The following DRC1 variants were observed in gnomAD, a reference collection of about 807,000 sequenced individuals.
DRC1 encodes dynein regulatory complex protein 1.
Under a neutral mutation model 98.7 loss-of-function variants are expected in DRC1, and 74 were observed. The observed-to-expected ratio is 0.75, with a 90% CI of 0.62 to 0.91. The LOEUF (loss-of-function observed/expected upper bound fraction) is 0.91, where lower values mean the gene tolerates loss of function less well. Ranked by LOEUF, DRC1 falls within the 40% of genes least tolerant of loss-of-function variation. The pLI is 0.00. For missense variants in DRC1, 875 were observed against 886.0 expected (o/e 0.99, Z 0.16); for synonymous variants, 336 against 334.1 (o/e 1.01, Z -0.06).
chr2:26,449,965 C>T (rs754657161), intron 11 of DRC1, 31 bp from the exon 12 acceptor site: 11 of 1,603,604 alleles, frequency 6.9e-6, no homozygotes, highest in South Asian at 5.5e-5. Context: ...AACCTGTCCC[C>T]GACAGGAGAT....
chr2:26,402,748 T>C (rs1446205981), intron 1 of DRC1, among the ~76,000 whole-genome samples: 2 of 152,350 alleles, frequency 1.3e-5, no homozygotes, highest in African/African-American at 4.8e-5. Context: ...CAAACTTGAA[T>C]GACATGGCAG....
At chr2:26,440,623 C>T (rs1018581660) in intron 8 of DRC1, 106 bp downstream of exon 8, 5 of 1,318,216 alleles carry the variant, frequency 3.8e-6, no homozygotes, top group Non-Finnish European at 3.9e-6. Flanking sequence ...AAAAATATAA[C>T]CAACACTTAT....
At chr2:26,404,478 G>T (rs1211521854) in intron 1 of DRC1, among the ~76,000 whole-genome samples, 2 of 152,228 alleles carry the variant, frequency 1.3e-5, no homozygotes, top group Non-Finnish European at 2.9e-5. Context: ...TAGATGCTGT[G>T]TTCAGGAGTG....
chr2:26,455,372 G>C, intron 16 of DRC1, 139 bp downstream of exon 16: 1 of 776,526 alleles, frequency 1.3e-6, no homozygotes. Context: ...AAAATCAAGA[G>C]TGGCACCTTG....
In DRC1 at chr2:26,454,589, C is replaced by G. The variant is rs902636094; in HGVS notation, c.1920-58C>G. 1.3e-5 allele frequency: 20 copies of G among 1,597,238 alleles called. No homozygotes were observed. In the African/African-American group the frequency reaches 2.7e-4, roughly 21 times the overall value. ...AGCAGTAGGCCTGTGACTGGCACTG[C>G]CTGGGGGCCTGGGTAGTACCCAATG... On this transcript the variant is annotated intron_variant, in intron 14 of 16. Coordinates refer to ENST00000288710, the MANE Select transcript of DRC1 (RefSeq NM_145038.5). This position sits in a 1 kb window ranked among gnomAD's most constrained non-coding sequence, Gnocchi z 5.2.
intron 5 of DRC1, chr2:26,430,459 A>G (rs774550748): frequency 3.5e-5 from 17 of 490,844 alleles, no homozygotes; most frequent in South Asian, 2.7e-4. Flanking sequence ...TGGTAGTCAC[A>G]GTTGAATTAC....
rs1664058284 is a variant in DRC1 at position 26,453,412 on chromosome 2, G to A, written c.1782G>A (p.Met594Ile). 2 of 1,614,194 alleles carry A rather than the reference G, an allele frequency of 1.2e-6. No individual in the cohort carries two copies. Among genetic ancestry groups the A allele is most frequent in the Non-Finnish European group, 1.7e-6 (2 of 1,180,050 alleles). Residue 594 changes from methionine to isoleucine, a missense_variant, in exon 14 of 17, where the codon ATG becomes ATA. Coordinates refer to ENST00000288710, the MANE Select transcript of DRC1 (RefSeq NM_145038.5). ...SELELAEQTE[M>I]EGEKEESLVE... The stretch of plus-strand genomic sequence containing the variant: ...TGGAGCTGGCAGAGCAGACGGAGAT[G>A]GAGGGAGAAAAGGAAGAAAGCCTGG...
At chr2:26,426,187 T>G (rs1207596783) in intron 4 of DRC1, among the ~76,000 whole-genome samples, 5 of 152,202 alleles carry the variant, frequency 3.3e-5, no homozygotes, top group African/African-American at 1.2e-4. Flanking sequence ...CAAAAGTCAT[T>G]TGACCATAGA....
At chr2:26,440,064 G>A (rs2147997767) in intron 7 of DRC1, among the ~76,000 whole-genome samples, 1 of 149,742 alleles carries the variant, frequency 6.7e-6, no homozygotes, top group Non-Finnish European at 1.5e-5. Context: ...TATAAATGTA[G>A]GAAAGTTTCT....
At chr2:26,418,602 A>ATTATATAAATT (rs1356246899) in intron 2 of DRC1, among the ~76,000 whole-genome samples, 1 of 91,952 alleles carries the variant, frequency 1.1e-5, no homozygotes, top group Non-Finnish European at 1.9e-5. Context: ...TAATTTATAT[A>ATTATATAAATT]ATATATAAAT....
intron 10 of DRC1, among the ~76,000 whole-genome samples, chr2:26,446,849 T>G (rs1663864661): frequency 6.6e-6 from 1 of 152,200 alleles, no homozygotes; most frequent in Non-Finnish European, 1.5e-5. Flanking sequence ...CCCAGCACTT[T>G]GGGAGGCCAA....
chr2:26,444,930 G>T lies in DRC1; in HGVS notation c.1378G>T (p.Glu460Ter), dbSNP rs773668912. 9 of 1,614,160 alleles carry T rather than the reference G, an allele frequency of 5.6e-6. No individual in the cohort carries two copies. Among genetic ancestry groups the T allele is most frequent in the Non-Finnish European group, 7.6e-6 (9 of 1,180,042 alleles). The change falls in exon 10 of 17, where the codon GAA becomes TAA. Residue 460 changes from glutamate to a stop codon, truncating the protein, a stop_gained. Coordinates refer to ENST00000288710, the MANE Select transcript of DRC1 (RefSeq NM_145038.5). LOFTEE classifies it high-confidence loss of function. ...PQKSATQIVE[E>*]MLMRSEEEEA... ...GAAGTCCGCCACACAGATAGTAGAA[G>T]AAATGCTTATGCGCTCAGGTGACTA...
At chr2:26,452,926 A>AT (rs1448300261) in intron 13 of DRC1, among the ~76,000 whole-genome samples, 1 of 152,238 alleles carries the variant, frequency 6.6e-6, no homozygotes, top group African/African-American at 2.4e-5. Context: ...ACTTGATAGC[A>AT]TTCGTTTGCC....
At chr2:26,455,011 G>C in intron 15 of DRC1, 120 bp from the exon 16 acceptor site, 2 of 1,377,188 alleles carry the variant, frequency 1.5e-6, no homozygotes, top group Non-Finnish European at 2.1e-6. Context: ...GCTGGGTGAA[G>C]AGTGTAGCTT....
intron 4 of DRC1, among the ~76,000 whole-genome samples, chr2:26,429,381 A>G (rs1445406300): frequency 6.6e-6 from 1 of 151,668 alleles, no homozygotes; most frequent in Non-Finnish European, 1.5e-5. Context: ...ACATCTGGCT[A>G]ATTTTTATAT....
chr2:26,402,315 G>A (rs1377042158), intron 1 of DRC1, among the ~76,000 whole-genome samples, 171 bp downstream of exon 1: 1 of 152,246 alleles, frequency 6.6e-6, no homozygotes, highest in African/African-American at 2.4e-5. Flanking sequence ...TAGGGAGGCC[G>A]AGGCGGGCCG....
At chr2:26,414,617 C>T (rs980701027) in intron 2 of DRC1, among the ~76,000 whole-genome samples, 186 bp downstream of exon 2, 4 of 152,176 alleles carry the variant, frequency 2.6e-5, no homozygotes, top group Non-Finnish European at 5.9e-5. Flanking sequence ...CTTATATTTA[C>T]GCTGTCTCTT....
rs548717378 is a variant in DRC1 at position 26,430,171 on chromosome 2, G to A, written c.678+406G>A. 6.6e-5 allele frequency among the ~76,000 whole-genome samples: 10 copies of A among 152,318 alleles called. No individual in the cohort carries two copies. The South Asian group carries it at 1.9e-3, about 28-fold the overall frequency. On this transcript the variant is annotated intron_variant, in intron 5 of 16. Transcript: ENST00000288710. ...AGCACTCCATAAGCATAAAGCCTGTGTGAGGCATTTACTTGTTTCTTTAAG... is the reference window on the plus strand; with the variant it reads ...AGCACTCCATAAGCATAAAGCCTGTATGAGGCATTTACTTGTTTCTTTAAG...
chr2:26,448,030 G>A (rs1663903388), intron 10 of DRC1, among the ~76,000 whole-genome samples: 2 of 150,986 alleles, frequency 1.3e-5, no homozygotes, highest in South Asian at 2.1e-4. Context: ...TTCGAGACCA[G>A]CCTGGCCAAT....
Sources: allele counts gnomAD v4.1 joint callset (sites outside exome capture counted in the v4.1 genomes callset), GRCh38; gene constraint gnomAD v4.1.1; non-coding constraint Gnocchi (gnomAD v3.1); transcripts MANE v1.5; gene names NCBI Gene and HGNC (gene_info 2026-07-23, HGNC 2026-07-21).